TMEM62: variants seen among roughly 807,000 people sequenced by gnomAD.
TMEM62 encodes transmembrane protein 62.
TMEM62 carries 41 observed loss-of-function variants against 70.4 expected under a neutral mutation model. The ratio of observed to expected loss-of-function variants is 0.58; its 90% CI spans 0.45 to 0.76. The LOEUF is 0.76. Among genes scored for constraint, TMEM62 ranks in the 30% least tolerant of loss-of-function variants. TMEM62 has a pLI of 0.00. For missense variants in TMEM62, 688 were observed against 788.5 expected (o/e 0.87, Z 1.53); for synonymous variants, 268 against 291.0 (o/e 0.92, Z 0.80).
intron 10 of TMEM62, among the ~76,000 whole-genome samples, chr15:43,161,977 T>C (rs117771450): frequency 6.6e-6 from 1 of 152,192 alleles, no homozygotes; most frequent in East Asian, 1.9e-4. Flanking sequence ...ATGTATTTTT[T>C]TTTGTATATG....
At chr15:43,162,765 G>T (rs1166837333) in intron 10 of TMEM62, among the ~76,000 whole-genome samples, 2 of 151,854 alleles carry the variant, frequency 1.3e-5, no homozygotes, top group Non-Finnish European at 2.9e-5. Flanking sequence ...TCTATTGTTG[G>T]ACATTTAAGT....
intron 7 of TMEM62, among the ~76,000 whole-genome samples, chr15:43,151,545 TG>T (rs1325734055): frequency 6.6e-6 from 1 of 152,152 alleles, no homozygotes; most frequent in Non-Finnish European, 1.5e-5. Context: ...GTACATGCCG[TG>T]TACCAGGTGT....
intron 2 of TMEM62, among the ~76,000 whole-genome samples, chr15:43,135,002 A>G (rs2141433975): frequency 6.6e-6 from 1 of 152,334 alleles, no homozygotes; most frequent in East Asian, 1.9e-4. Context: ...GTTCTGATTT[A>G]ATGGATGAGC....
At chr15:43,163,505 G>A (rs982163146) in intron 10 of TMEM62, among the ~76,000 whole-genome samples, 7 of 152,068 alleles carry the variant, frequency 4.6e-5, no homozygotes, top group African/African-American at 1.4e-4. Context: ...TTCTGGGGCC[G>A]GGCTCGGTGG....
chr15:43,149,472 T>C (rs560761815), intron 7 of TMEM62, among the ~76,000 whole-genome samples: 22 of 152,082 alleles, frequency 1.4e-4, no homozygotes, highest in African/African-American at 4.8e-4. Flanking sequence ...GAGATTTTGA[T>C]TGTGTTGGTC....
intron 9 of TMEM62, among the ~76,000 whole-genome samples, chr15:43,158,634 T>C (rs1296904029): frequency 6.6e-6 from 1 of 152,206 alleles, no homozygotes; most frequent in Admixed American, 6.5e-5. Context: ...AAAATGGTGA[T>C]ATTCACATTT....
chr15:43,167,459 G>A (rs1304734769), intron 10 of TMEM62, among the ~76,000 whole-genome samples: 1 of 151,648 alleles, frequency 6.6e-6, no homozygotes, highest in African/African-American at 2.4e-5. Context: ...GGGCGGCCCG[G>A]CAGAGACGCT....
intron 9 of TMEM62, among the ~76,000 whole-genome samples, chr15:43,159,670 A>T (rs1182560167): frequency 2.6e-5 from 4 of 152,154 alleles, no homozygotes; most frequent in African/African-American, 9.7e-5. Context: ...GTTGCTTCCA[A>T]ATCTTATTGT....
rs74925179 is a variant in TMEM62 at position 43,144,910 on chromosome 15, C to T, written c.477-1583C>T. ...TTACCTTTGTATTTTTGTTTTTAGC[C>T]ACCTAAACTTTATCTGAATTTAATA... On this transcript the variant is annotated intron_variant, in intron 4 of 13. Transcript: ENST00000260403. Among the ~76,000 whole-genome samples the T allele has an allele frequency of 2.3e-3, 346 of 151,534 alleles. 1 individual carries two copies. Among genetic ancestry groups the T allele is most frequent in the South Asian group, 8.8e-3 (42 of 4,800 alleles).
intron 3 of TMEM62, among the ~76,000 whole-genome samples, chr15:43,137,923 C>G (rs2035458605): frequency 6.6e-6 from 1 of 152,246 alleles, no homozygotes; most frequent in Admixed American, 6.5e-5. Flanking sequence ...TCTGCCGGGC[C>G]TACACTCTTG....
At chr15:43,154,524 C>A in intron 8 of TMEM62, 148 bp from the exon 9 acceptor site, 1 of 562,698 alleles carries the variant, frequency 1.8e-6, no homozygotes, top group Non-Finnish European at 2.8e-6. Context: ...GGAAAGAAAC[C>A]AGATCATATC....
At chr15:43,146,013 C>T (rs1279905328) in intron 4 of TMEM62, 2 of 152,640 alleles carry the variant, frequency 1.3e-5, no homozygotes, top group African/African-American at 2.4e-5. Context: ...GATTTAACAA[C>T]CCAGACCTAG....
At chr15:43,173,101 A>G (rs1274604625) in intron 11 of TMEM62, among the ~76,000 whole-genome samples, 1 of 152,066 alleles carries the variant, frequency 6.6e-6, no homozygotes, top group Non-Finnish European at 1.5e-5. Flanking sequence ...GGTGGCATGC[A>G]CCTGTAATCC....
chr15:43,166,739 T>G (rs1329340409), intron 10 of TMEM62, among the ~76,000 whole-genome samples: 2 of 152,092 alleles, frequency 1.3e-5, no homozygotes, highest in Non-Finnish European at 2.9e-5. Flanking sequence ...TACTTGAGAT[T>G]AGGGAGTGGT....
intron 11 of TMEM62, among the ~76,000 whole-genome samples, chr15:43,173,300 T>C (rs1471186945): frequency 6.6e-6 from 1 of 152,256 alleles, no homozygotes. Flanking sequence ...CTGAATAGAC[T>C]CCTAACTGCT....
chr15:43,134,535 A>G (rs888447829), intron 2 of TMEM62, among the ~76,000 whole-genome samples, 167 bp downstream of exon 2: 5 of 152,326 alleles, frequency 3.3e-5, no homozygotes, highest in African/African-American at 7.2e-5. Context: ...TTGCCTATGG[A>G]TAACTGAATG....
At chr15:43,181,657 A>T (rs113273356) in intron 13 of TMEM62, among the ~76,000 whole-genome samples, 6 of 152,176 alleles carry the variant, frequency 3.9e-5, no homozygotes, top group Non-Finnish European at 8.8e-5. Flanking sequence ...ATGTGCCACC[A>T]TGCCTGGCTA....
chr15:43,159,993 G>C (rs566754091), intron 9 of TMEM62, among the ~76,000 whole-genome samples: 1 of 152,020 alleles, frequency 6.6e-6, no homozygotes, highest in African/African-American at 2.4e-5. Flanking sequence ...TTTTTTGACA[G>C]AGTCTCACTC....
At chr15:43,140,957 A>G (rs558610430) in intron 4 of TMEM62, among the ~76,000 whole-genome samples, 2 of 152,330 alleles carry the variant, frequency 1.3e-5, no homozygotes, top group East Asian at 1.9e-4. Flanking sequence ...ACACGAGCCC[A>G]TAGTCAGGGC....
Sources: gnomAD v4.1 joint callset for allele counts (sites outside exome capture counted in the v4.1 genomes callset) on GRCh38, gnomAD v4.1.1 for gene constraint, MANE v1.5 for transcripts, NCBI Gene and HGNC (gene_info 2026-07-23, HGNC 2026-07-21) for gene names.